The following COL25A1 variants were observed in gnomAD, a reference collection of about 807,000 sequenced individuals.
COL25A1 encodes collagen alpha-1(XXV) chain.
Under a neutral mutation model 128.4 loss-of-function variants are expected in COL25A1, and 103 were observed. The ratio of observed to expected loss-of-function variants is 0.80; its 90% CI spans 0.68 to 0.94. COL25A1 has a LOEUF of 0.94. Among genes scored for constraint, COL25A1 ranks in the 40% least tolerant of loss-of-function variants. The pLI is 0.00. For missense variants in COL25A1, 745 were observed against 840.0 expected (o/e 0.89, Z 1.40); for synonymous variants, 279 against 277.2 (o/e 1.01, Z -0.06).
At chr4:109,263,150 AC>A (rs1187220616) in intron 3 of COL25A1, among the ~76,000 whole-genome samples, 3 of 152,026 alleles carry the variant, frequency 2.0e-5, no homozygotes, top group Non-Finnish European at 4.4e-5. Context: ...AACAACAACA[AC>A]AACAAAACCT....
At chr4:108,865,967 C>T (rs1737856811) in intron 20 of COL25A1, among the ~76,000 whole-genome samples, 1 of 152,050 alleles carries the variant, frequency 6.6e-6, no homozygotes, top group Non-Finnish European at 1.5e-5. Context: ...TTATTAGTTC[C>T]CTATCACTCT....
At chr4:109,244,050 C>A in intron 3 of COL25A1, among the ~76,000 whole-genome samples, 1 of 151,704 alleles carries the variant, frequency 6.6e-6, no homozygotes, top group East Asian at 1.9e-4. Flanking sequence ...CTCTAGACTA[C>A]AGTAAACCCC....
chr4:109,012,802 G>A (rs145001540), intron 5 of COL25A1, among the ~76,000 whole-genome samples: 1,863 of 152,298 alleles, frequency 0.012, 27 homozygotes, highest in African/African-American at 0.041. Flanking sequence ...GACGGGTGCC[G>A]CCCCCTGCTC....
chr4:109,189,756 C>A (rs1775439928), intron 3 of COL25A1, among the ~76,000 whole-genome samples: 1 of 152,032 alleles, frequency 6.6e-6, no homozygotes, highest in Non-Finnish European at 1.5e-5. Flanking sequence ...AGGTCAAGCA[C>A]TTTTCCTGTA....
intron 3 of COL25A1, among the ~76,000 whole-genome samples, chr4:109,229,853 G>C (rs1453391913): frequency 1.3e-5 from 2 of 152,036 alleles, no homozygotes; most frequent in Non-Finnish European, 2.9e-5. Flanking sequence ...CTTCAGATAG[G>C]GCAACTTATA....
At chr4:109,175,226 G>A (rs906931200) in intron 3 of COL25A1, among the ~76,000 whole-genome samples, 1 of 152,142 alleles carries the variant, frequency 6.6e-6, no homozygotes, top group Non-Finnish European at 1.5e-5. Flanking sequence ...TCTACTCATG[G>A]CCAAGGTCAT....
intron 9 of COL25A1, among the ~76,000 whole-genome samples, chr4:108,941,023 GT>G (rs2125928209): frequency 6.6e-6 from 1 of 152,282 alleles, no homozygotes; most frequent in East Asian, 1.9e-4. Context: ...TTAGACAAAT[GT>G]GTTTACTTTA....
At chr4:108,990,198 G>C (rs1754031768) in intron 6 of COL25A1, among the ~76,000 whole-genome samples, 1 of 49,558 alleles carries the variant, frequency 2.0e-5, no homozygotes, top group African/African-American at 9.8e-5. Context: ...GGCAACAAGA[G>C]CAAAACTCCA....
At chr4:108,867,138 G>C (rs377605404) in intron 20 of COL25A1, among the ~76,000 whole-genome samples, 32 of 152,320 alleles carry the variant, frequency 2.1e-4, no homozygotes, top group African/African-American at 7.5e-4. Context: ...GGAAACTAAA[G>C]AAAAGATATT....
chr4:108,930,005 C>T lies in COL25A1; in HGVS notation c.708+7803G>A, dbSNP rs1578799198. ...TATTAATTGATTAACTCATATCACT[C>T]AGTCACTCTTATTATTAAACACACT... On this transcript the variant is annotated intron_variant, in intron 11 of 37. Transcript: ENST00000399132. Among the ~76,000 whole-genome samples, 6 of 152,238 alleles carry T rather than the reference C, an allele frequency of 3.9e-5. No individual in the cohort carries two copies. In the South Asian group the frequency reaches 1.2e-3, roughly 32 times the overall value.
At chr4:109,080,928 T>C (rs1763780502) in intron 3 of COL25A1, among the ~76,000 whole-genome samples, 3 of 152,244 alleles carry the variant, frequency 2.0e-5, no homozygotes, top group Admixed American at 6.5e-5. Context: ...ATGCATAATA[T>C]ACTTATCTAA....
chr4:109,153,297 A>C (rs2126105557), intron 3 of COL25A1, among the ~76,000 whole-genome samples: 1 of 151,640 alleles, frequency 6.6e-6, no homozygotes, highest in East Asian at 2.0e-4. Flanking sequence ...AGGCAGGAGA[A>C]TCAAACCCGG....
intron 3 of COL25A1, among the ~76,000 whole-genome samples, chr4:109,214,092 T>C (rs1484025306): frequency 6.6e-6 from 1 of 152,072 alleles, no homozygotes. Flanking sequence ...TTGGTAAGAT[T>C]AATGATCTGG....
At position 108,811,549 on chromosome 4, in the gene COL25A1, G is replaced by T. The variant is rs1337250395; in HGVS notation, c.*2378C>A. On this transcript the variant is annotated 3_prime_UTR_variant, in exon 38 of 38. Transcript: ENST00000399132. Reference sequence around the variant, plus strand: ...TTTCTACTAGAGGAGCAGAAAAAAAGATAGAAGGGAAAAAAATATAGCCAC... The same window carrying T: ...TTTCTACTAGAGGAGCAGAAAAAAATATAGAAGGGAAAAAAATATAGCCAC... The T allele has an allele frequency of 6.6e-6, 1 of 152,034 alleles. No homozygotes were observed. The highest frequency in any genetic ancestry group is 1.5e-5 in the Non-Finnish European group (1 of 67,930). The allele number at this position is 152,034 out of a possible 1,614,324, so 9.4% of individuals were successfully genotyped here.
At chr4:109,048,277 C>T in intron 4 of COL25A1, 102 bp from the exon 5 acceptor site, 2 of 1,096,976 alleles carry the variant, frequency 1.8e-6, no homozygotes, top group Non-Finnish European at 2.7e-6. Context: ...ATCAGCATGA[C>T]ATAATAGACA....
chr4:108,903,061 T>TA (rs200649491), intron 13 of COL25A1, among the ~76,000 whole-genome samples: 51 of 151,282 alleles, frequency 3.4e-4, no homozygotes, highest in Admixed American at 1.4e-3. Context: ...CAGAGTTTTT[T>TA]AAAAAATAAA....
intron 3 of COL25A1, among the ~76,000 whole-genome samples, chr4:109,090,343 C>T (rs1300770462): frequency 6.6e-6 from 1 of 151,926 alleles, no homozygotes; most frequent in African/African-American, 2.4e-5. Flanking sequence ...CTTTATTTTT[C>T]TTCTACCTTT....
chr4:108,959,247 G>A (rs1424148058), intron 8 of COL25A1, among the ~76,000 whole-genome samples: 1 of 151,918 alleles, frequency 6.6e-6, no homozygotes, highest in African/African-American at 2.4e-5. Flanking sequence ...AAACTCAATG[G>A]TGCCAGCTTT....
chr4:109,215,732 C>T (rs559801168), intron 3 of COL25A1, among the ~76,000 whole-genome samples: 5 of 152,172 alleles, frequency 3.3e-5, no homozygotes, highest in African/African-American at 1.2e-4. Flanking sequence ...GCAGAGGCCA[C>T]CTTTTCTTGC....
Sources: gnomAD v4.1 joint callset for allele counts (sites outside exome capture counted in the v4.1 genomes callset) on GRCh38, gnomAD v4.1.1 for gene constraint, MANE v1.5 for transcripts, NCBI Gene and HGNC (gene_info 2026-07-23, HGNC 2026-07-21) for gene names.